The following PRDM16 variants were observed in gnomAD, a reference collection of about 807,000 sequenced individuals.
PRDM16 encodes histone-lysine N-methyltransferase PRDM16.
A neutral mutation model predicts 110.6 loss-of-function variants in PRDM16; 23 were observed. The observed-to-expected ratio is 0.21, with a 90% CI of 0.15 to 0.29. PRDM16 has a LOEUF of 0.29. PRDM16 is among the 10% of genes least tolerant of loss of function. PRDM16 has a pLI of 1.00. For missense variants in PRDM16, 1,615 were observed against 1,794.3 expected (o/e 0.90, Z 1.81); for synonymous variants, 799 against 781.8 (o/e 1.02, Z -0.37).
chr1:3,194,158 C>T (rs1169928832), intron 2 of PRDM16, among the ~76,000 whole-genome samples: 11 of 152,220 alleles, frequency 7.2e-5, no homozygotes. Flanking sequence ...CAAGGGCTCC[C>T]AAAGCACTCG....
At chr1:3,272,034 T>C (rs1640467576) in intron 3 of PRDM16, among the ~76,000 whole-genome samples, 1 of 152,206 alleles carries the variant, frequency 6.6e-6, no homozygotes, top group Non-Finnish European at 1.5e-5. Flanking sequence ...CTGCCTGGGT[T>C]GGGACACGGT....
intron 10 of PRDM16, among the ~76,000 whole-genome samples, chr1:3,417,293 G>A (rs546152672): frequency 6.6e-6 from 1 of 152,346 alleles, no homozygotes; most frequent in Admixed American, 6.5e-5. Context: ...ATGGCATGCT[G>A]CCACTTGGTG....
In PRDM16 at chr1:3,339,545, G is replaced by A. The variant is rs1642228279; in HGVS notation, c.439-45607G>A. ...AACAAAGCTTTGTTGCCCACCGAGC[G>A]ATTCAGGCAGTGAGGTGGGAAGGAG... On this transcript the variant is annotated intron_variant, in intron 3 of 16. Transcript: ENST00000270722. This position sits in a 1 kb window ranked among gnomAD's most constrained non-coding sequence, Gnocchi z 5.0. Among the ~76,000 whole-genome samples the A allele has an allele frequency of 6.6e-6, 1 of 152,134 alleles. No individual in the cohort carries two copies. The highest frequency in any genetic ancestry group is 1.5e-5 in the Non-Finnish European group (1 of 68,010).
rs1642543860 is a variant in PRDM16, at chr1:3,353,972, A to G, written c.439-31180A>G. ...TGCTGAGCCCACACAGGCCCAAGAGAAAAGGGAAGTGTGGCCAACTCTGGA... is the reference window on the plus strand; with the variant it reads ...TGCTGAGCCCACACAGGCCCAAGAGGAAAGGGAAGTGTGGCCAACTCTGGA... On this transcript the variant is annotated intron_variant, in intron 3 of 16. Coordinates refer to ENST00000270722, the MANE Select transcript of PRDM16 (RefSeq NM_022114.4). This position sits in a 1 kb window ranked among gnomAD's most constrained non-coding sequence, Gnocchi z 5.4. Among the ~76,000 whole-genome samples the G allele has an allele frequency of 3.3e-5, 5 of 152,290 alleles. No homozygotes were observed. The South Asian group carries it at 1.0e-3, about 32-fold the overall frequency.
intron 12 of PRDM16, among the ~76,000 whole-genome samples, chr1:3,420,887 A>G (rs1638407218): frequency 6.6e-6 from 1 of 152,072 alleles, no homozygotes; most frequent in African/African-American, 2.4e-5. Flanking sequence ...GAGGCTGCCC[A>G]GTGGAGCCTG....
intron 12 of PRDM16, among the ~76,000 whole-genome samples, chr1:3,422,056 A>ACAGG (rs1278880622): frequency 7.4e-5 from 11 of 147,926 alleles, no homozygotes; most frequent in African/African-American, 2.8e-4. Context: ...GGATGGACAG[A>ACAGG]CAGGCAGACA....
intron 3 of PRDM16, among the ~76,000 whole-genome samples, chr1:3,311,180 C>G (rs544842941): frequency 1.3e-5 from 2 of 152,316 alleles, no homozygotes; most frequent in East Asian, 1.9e-4. Flanking sequence ...GAGACGGAGC[C>G]GTCGCTTCCC....
chr1:3,350,786 G>A lies in PRDM16; in HGVS notation c.439-34366G>A, dbSNP rs563115846. 3.5e-4 allele frequency among the ~76,000 whole-genome samples: 53 copies of A among 152,290 alleles called. No individual in the cohort carries two copies. The highest frequency in any genetic ancestry group is 1.3e-3 in the African/African-American group (53 of 41,566). ...ACTTCTTCCCAATGCCGCGTCCAGTGTTTTCCTCTTTCTGGGCCTCAAACT... is the reference window on the plus strand; with the variant it reads ...ACTTCTTCCCAATGCCGCGTCCAGTATTTTCCTCTTTCTGGGCCTCAAACT... On this transcript the variant is annotated intron_variant, in intron 3 of 16. Transcript: ENST00000270722. The surrounding 1 kb of genome is among the most constrained non-coding windows in gnomAD (Gnocchi z 7.1).
chr1:3,422,521 G>C (rs895329861), intron 12 of PRDM16, among the ~76,000 whole-genome samples: 4 of 152,262 alleles, frequency 2.6e-5, no homozygotes, highest in Non-Finnish European at 4.4e-5. Context: ...TGGAGACGCA[G>C]AGTCCAGTGT....
At chr1:3,404,115 C>T (rs1165967231) in intron 6 of PRDM16, among the ~76,000 whole-genome samples, 2 of 152,242 alleles carry the variant, frequency 1.3e-5, no homozygotes, top group Admixed American at 6.5e-5. Flanking sequence ...ATTAACGAGC[C>T]GTGATATATC....
rs559435294 is a variant in PRDM16, at chr1:3,116,872, C to A, written c.37+47576C>A. 2.9e-4 allele frequency among the ~76,000 whole-genome samples: 44 copies of A among 152,334 alleles called. 2 individuals are homozygous for A. In the South Asian group the frequency reaches 7.0e-3, roughly 24 times the overall value. ...TCCAGTCAGGCCCTCCACAAACCCC[C>A]GTGACTGGGCACTCCTTGCAGCACA... On this transcript the variant is annotated intron_variant, in intron 1 of 16. Coordinates refer to ENST00000270722, the MANE Select transcript of PRDM16 (RefSeq NM_022114.4).
chr1:3,220,221 T>C (rs1639122191), intron 2 of PRDM16, among the ~76,000 whole-genome samples: 1 of 152,142 alleles, frequency 6.6e-6, no homozygotes, highest in South Asian at 2.1e-4. Context: ...CACATCTCTG[T>C]GGCCCCACAG....
rs113921814 is a variant in PRDM16, at chr1:3,414,358, G to A, written c.2604-202G>A. Among the ~76,000 whole-genome samples, 2,276 of 152,194 alleles carry A rather than the reference G, an allele frequency of 0.015. 28 individuals carry two copies. Among genetic ancestry groups the A allele is most frequent in the Non-Finnish European group, 0.024 (1,651 of 67,980 alleles). Reference sequence around the variant, plus strand: ...TGGTGACAGGGAGGGTCCGTCTAGGGGTGCAGGTGGGCTGGGCTCCCGACA... The same window carrying A: ...TGGTGACAGGGAGGGTCCGTCTAGGAGTGCAGGTGGGCTGGGCTCCCGACA... On this transcript the variant is annotated intron_variant, in intron 9 of 16. Transcript: ENST00000270722.
intron 3 of PRDM16, among the ~76,000 whole-genome samples, chr1:3,336,358 G>A (rs954841230): frequency 6.6e-6 from 1 of 152,224 alleles, no homozygotes; most frequent in Non-Finnish European, 1.5e-5. Context: ...GTGTGTGCAT[G>A]TGGAGGGGTG....
chr1:3,199,775 C>T (rs1638572265), intron 2 of PRDM16, among the ~76,000 whole-genome samples: 1 of 152,176 alleles, frequency 6.6e-6, no homozygotes, highest in Non-Finnish European at 1.5e-5. Flanking sequence ...GACAGGACGC[C>T]ACTCTGCTGG....
intron 3 of PRDM16, among the ~76,000 whole-genome samples, chr1:3,281,470 CTT>C (rs1383499536): frequency 4.6e-5 from 7 of 152,260 alleles, no homozygotes; most frequent in Non-Finnish European, 7.3e-5. Context: ...AGCCTTGAAA[CTT>C]ATCAGTCATT....
chr1:3,125,487 C>T (rs777497755), intron 1 of PRDM16, among the ~76,000 whole-genome samples: 46 of 152,368 alleles, frequency 3.0e-4, no homozygotes, highest in Non-Finnish European at 4.3e-4. Context: ...CTGGGCTGTT[C>T]GGAAGGGCAG....
chr1:3,133,731 A>C (rs1643380701), intron 1 of PRDM16: 1 of 152,132 alleles, frequency 6.6e-6, no homozygotes, highest in African/African-American at 2.4e-5. Flanking sequence ...CAGCTCCTCC[A>C]TCTCCCCTTC....
intron 4 of PRDM16, among the ~76,000 whole-genome samples, chr1:3,387,401 C>A (rs1569645526): frequency 6.6e-6 from 1 of 152,320 alleles, no homozygotes; most frequent in Non-Finnish European, 1.5e-5. Flanking sequence ...ACTCGAAATG[C>A]ACATTTAAGC....
Sources: gnomAD v4.1 joint callset for allele counts (sites outside exome capture counted in the v4.1 genomes callset) on GRCh38, gnomAD v4.1.1 for gene constraint, Gnocchi (gnomAD v3.1) non-coding constraint, MANE v1.5 for transcripts, NCBI Gene and HGNC (gene_info 2026-07-23, HGNC 2026-07-21) for gene names.